Variants in KIAA1210 observed in about 807,000 individuals in gnomAD.
KIAA1210 encodes KIAA1210.
KIAA1210 carries 48 observed loss-of-function variants against 78.9 expected under a neutral mutation model. The ratio of observed to expected loss-of-function variants is 0.61; its 90% CI spans 0.48 to 0.77. The LOEUF (loss-of-function observed/expected upper bound fraction) is 0.77, where lower values mean the gene tolerates loss of function less well. KIAA1210 is among the 30% of genes least tolerant of loss of function. KIAA1210 has a pLI of 0.00. For missense variants in KIAA1210, 1,108 were observed against 1,100.0 expected (o/e 1.01, Z -0.10); for synonymous variants, 406 against 404.5 (o/e 1.00, Z -0.04).
exon 1 of KIAA1210, chrX:119,150,460 T>A: frequency 8.3e-7 from 1 of 1,211,618 alleles, no homozygotes. Context: ...GGGAATACGC[T>A]CGACTTCCAA....
At chrX:119,107,422 T>A (rs1007642778) in intron 5 of KIAA1210, among the ~76,000 whole-genome samples, 2 of 112,276 alleles carry the variant, frequency 1.8e-5, no homozygotes, top group African/African-American at 6.5e-5. Flanking sequence ...TGCCACTTGG[T>A]CATGGTCATG....
At chrX:119,089,844 T>C (rs1234470810) in intron 8 of KIAA1210, 98 bp from the exon 9 acceptor site, 1 of 815,550 alleles carries the variant, frequency 1.2e-6, no homozygotes, top group East Asian at 3.2e-5. Context: ...TATTTGCTAC[T>C]AAATTTCCTA....
intron 2 of KIAA1210, among the ~76,000 whole-genome samples, chrX:119,123,253 C>A (rs1460440651): frequency 8.9e-6 from 1 of 112,077 alleles, no homozygotes; most frequent in Non-Finnish European, 1.9e-5. Flanking sequence ...TAATCTCTTT[C>A]TTAGATCTGA....
At chrX:119,146,700 G>A (rs185573691) in intron 2 of KIAA1210, among the ~76,000 whole-genome samples, 18 of 111,477 alleles carry the variant, frequency 1.6e-4, no homozygotes, top group African/African-American at 5.9e-4. Context: ...TGAGGCTGGG[G>A]GCCTGGGAGA....
rs1392433773 is a variant in KIAA1210 at position 119,092,698 on chromosome X, T to C, written c.955+969A>G. On this transcript the variant is annotated intron_variant, in intron 8 of 11. Transcript: ENST00000691062. ...ATTGCTTGAACTAGGGAGGTGGAGG[T>C]TGCAGTGAGCCGAGATCATGCCACT... Among the ~76,000 whole-genome samples the C allele has an allele frequency of 1.3e-3, 143 of 108,400 alleles. 9 individuals are homozygous for C. The highest frequency in any genetic ancestry group is 2.9e-4 in the Non-Finnish European group (15 of 52,404). The allele number at this position is 108,400 out of a possible 115,157, so 94.1% of individuals were successfully genotyped here.
In KIAA1210 at chrX:119,147,702, C is replaced by T. The variant is rs1929201193; in HGVS notation, c.290-109G>A. 3.6e-6 allele frequency: 3 copies of T among 843,736 alleles called. No homozygotes were observed. The East Asian group carries it at 9.6e-5, about 27-fold the overall frequency. 69.5% of individuals were successfully genotyped at this position (843,736 alleles called of 1,213,427 possible). On this transcript the variant is annotated intron_variant, in intron 1 of 13. Transcript: ENST00000402510. ...GGGCCACAAGATGGCAATGTGTTAG[C>T]CAAGAGGAAGTCCACGGCCTAGAAG... is the stretch of plus-strand genomic sequence containing the variant.
At chrX:119,097,342 G>A (rs1265941156) in intron 6 of KIAA1210, among the ~76,000 whole-genome samples, 1 of 110,817 alleles carries the variant, frequency 9.0e-6, no homozygotes, top group Non-Finnish European at 1.9e-5. Flanking sequence ...TTTGGTTCTG[G>A]GACACCTAGT....
chrX:119,148,614 A>G (rs1929221870), intron 1 of KIAA1210, among the ~76,000 whole-genome samples: 1 of 112,133 alleles, frequency 8.9e-6, no homozygotes, highest in African/African-American at 3.2e-5. Flanking sequence ...ATCTCTATGA[A>G]AATAGTAACA....
intron 2 of KIAA1210, among the ~76,000 whole-genome samples, chrX:119,143,355 G>A (rs780973357): frequency 8.9e-6 from 1 of 112,008 alleles, no homozygotes. Context: ...CCACAGATAC[G>A]GCTTGAGTTT....
At chrX:119,132,015 C>T (rs995521443), upstream of KIAA1210, among the ~76,000 whole-genome samples, 1 of 111,908 alleles carries the variant, frequency 8.9e-6, no homozygotes, top group Non-Finnish European at 1.9e-5. Flanking sequence ...CTGCAGTGAG[C>T]TGTGATTGCT....
chrX:119,093,010 T>G (rs1438893504), intron 8 of KIAA1210, among the ~76,000 whole-genome samples: 2 of 111,193 alleles, frequency 1.8e-5, no homozygotes, highest in Non-Finnish European at 3.8e-5. Context: ...TATCAAATAC[T>G]GCTAGAAATC....
chrX:119,135,972 G>C (rs1204466595), intron 2 of KIAA1210, among the ~76,000 whole-genome samples: 1 of 110,944 alleles, frequency 9.0e-6, no homozygotes, highest in Non-Finnish European at 1.9e-5. Flanking sequence ...AGAATAGCTT[G>C]AACCTGGGAG....
chrX:119,110,263 T>C (rs961704330), intron 3 of KIAA1210, among the ~76,000 whole-genome samples: 2 of 112,079 alleles, frequency 1.8e-5, no homozygotes, highest in African/African-American at 6.5e-5. Context: ...ACAAAAACTA[T>C]ATGACCATTT....
chrX:119,128,408 C>A (rs189295229), upstream of KIAA1210, among the ~76,000 whole-genome samples: 413 of 109,574 alleles, frequency 3.8e-3, 2 homozygotes, highest in African/African-American at 0.013. Flanking sequence ...CCATGCTCCA[C>A]TGATCACCAA....
At chrX:119,149,021 G>A (rs7056650) in intron 1 of KIAA1210, among the ~76,000 whole-genome samples, 49 of 107,854 alleles carry the variant, frequency 4.5e-4, no homozygotes, top group African/African-American at 1.6e-3. Flanking sequence ...CCTTGTGTTG[G>A]GGGGAGGTGG....
chrX:119,110,446 C>T (rs1307778277), intron 3 of KIAA1210, among the ~76,000 whole-genome samples: 6 of 111,029 alleles, frequency 5.4e-5, no homozygotes, highest in Non-Finnish European at 9.4e-5. Flanking sequence ...CATTTCTATT[C>T]GACACTGTAT....
At chrX:119,104,735 C>T (rs1361720448) in intron 6 of KIAA1210, among the ~76,000 whole-genome samples, 1 of 112,147 alleles carries the variant, frequency 8.9e-6, no homozygotes, top group Non-Finnish European at 1.9e-5. Flanking sequence ...TTTTTATCTT[C>T]ATGAAATAAC....
intron 5 of KIAA1210, 146 bp downstream of exon 5, chrX:119,108,191 C>G: frequency 2.0e-6 from 1 of 499,685 alleles, no homozygotes; most frequent in African/African-American, 2.4e-5. Flanking sequence ...ATATTATACC[C>G]ACTGTAGATG....
At chrX:119,116,374 G>T in intron 3 of KIAA1210, 122 bp downstream of exon 3, 1 of 677,908 alleles carries the variant, frequency 1.5e-6, no homozygotes, top group Non-Finnish European at 2.2e-6. Context: ...ATGGCTGCAA[G>T]CCTGGCCCCC....
Sources: allele counts gnomAD v4.1 joint callset (sites outside exome capture counted in the v4.1 genomes callset), GRCh38; gene constraint gnomAD v4.1.1; transcripts MANE v1.5; gene names NCBI Gene and HGNC (gene_info 2026-07-23, HGNC 2026-07-21).